Variants in COL17A1 observed in about 807,000 individuals in gnomAD.
COL17A1 encodes the protein collagen alpha-1(XVII) chain.
Under a neutral mutation model 218.4 loss-of-function variants are expected in COL17A1, and 181 were observed. The observed-to-expected ratio is 0.83, with a 90% CI of 0.73 to 0.94. The LOEUF (loss-of-function observed/expected upper bound fraction) is 0.94, where lower values mean the gene tolerates loss of function less well. Among genes scored for constraint, COL17A1 ranks in the 40% least tolerant of loss-of-function variants. COL17A1 has a pLI of 0.00. For missense variants in COL17A1, 1,924 were observed against 1,945.9 expected (o/e 0.99, Z 0.21); for synonymous variants, 721 against 731.0 (o/e 0.99, Z 0.22).
Position 104,060,182 on chromosome 10 carries a change from G to T in COL17A1, c.1078C>A (p.Leu360Met), listed in dbSNP as rs140959806. 3.2e-5 allele frequency: 51 copies of T among 1,614,044 alleles called. No homozygotes were observed. In the South Asian group the frequency reaches 5.5e-4, roughly 17 times the overall value. ...DNTPAKKEME[L>M]LIMTKDSGKV... is the part of the protein sequence containing the mutation. ...CCGCTGTCCTTGGTCATGATGAGCA[G>T]CTCCATCTCCTTCTTGGCAGGTGTG... Residue 360 changes from leucine (L) to methionine (M), a missense_variant, in exon 14 of 56, where the codon CTG becomes ATG. By Grantham distance (15) the Leu-to-Met change is conservative. Coordinates refer to ENST00000648076, the MANE Select transcript of COL17A1 (RefSeq NM_000494.4).
chr10:104,052,197 G>T lies in COL17A1; in HGVS notation c.1960C>A (p.Pro654Thr). ...CCTGGGACACCAGGTGGGCCATGAG[G>T]ACCTGGTTCACCAGCAGCCCCTGAG... ...GERGAAGEPG[P>T]HGPPGVPGSV... Residue 654 changes from proline to threonine, a missense_variant, in exon 24 of 56, where the codon CCT becomes ACT. Coordinates refer to ENST00000648076, the MANE Select transcript of COL17A1 (RefSeq NM_000494.4). 1 of 1,614,178 alleles carries T rather than the reference G, an allele frequency of 6.2e-7. No homozygotes were observed. The highest frequency in any genetic ancestry group is 8.5e-7 in the Non-Finnish European group (1 of 1,180,016).
At chr10:104,044,763 C>T (rs567563044) in intron 33 of COL17A1, among the ~76,000 whole-genome samples, 2 of 152,172 alleles carry the variant, frequency 1.3e-5, no homozygotes, top group East Asian at 3.9e-4. Flanking sequence ...GACTGGAAGT[C>T]ACGGGCCCTC....
chr10:104,054,155 A>G, intron 20 of COL17A1, 37 bp from the exon 21 acceptor site: 2 of 1,591,002 alleles, frequency 1.3e-6, no homozygotes, highest in Non-Finnish European at 1.7e-6. Flanking sequence ...GTGGTCAGCC[A>G]GAAGACTGTG....
In COL17A1 at chr10:104,043,480, A is replaced by G. The variant is rs1041371520; in HGVS notation, c.2515+21T>C. 2.5e-6 allele frequency: 4 copies of G among 1,610,858 alleles called. No homozygotes were observed. In the African/African-American group the frequency reaches 4.0e-5, roughly 16 times the overall value. On this transcript the variant is annotated intron_variant, in intron 35 of 55. Coordinates refer to ENST00000648076, the MANE Select transcript of COL17A1 (RefSeq NM_000494.4). ...CCAAGACCTATTGCTGATTTGGGGC[A>G]AAGCAAGAAAATAGACTGACCTGGG...
rs1381042061 is a variant in COL17A1, at chr10:104,039,111, A to AC, written c.2906dup (p.Val970CysfsTer9). 3 of 1,614,106 alleles carry AC rather than the reference A, an allele frequency of 1.9e-6. No homozygotes were observed. Among genetic ancestry groups the AC allele is most frequent in the Admixed American group, 3.3e-5 (2 of 60,026 alleles). Reference sequence around the variant, plus strand: ...TAGGAATGCCAAGAGCCCCTGGAACACCTGGATCACCTGGAATCCAAAATG... The same window carrying AC: ...TAGGAATGCCAAGAGCCCCTGGAACACCCTGGATCACCTGGAATCCAAAATG... On this transcript the variant is annotated frameshift_variant, in exon 44 of 56. Coordinates refer to ENST00000648076, the MANE Select transcript of COL17A1 (RefSeq NM_000494.4). LOFTEE classifies it high-confidence loss of function.
chr10:104,036,169 TGTG>T (rs2086295137), intron 48 of COL17A1, among the ~76,000 whole-genome samples: 2 of 73,450 alleles, frequency 2.7e-5, no homozygotes, highest in Non-Finnish European at 2.8e-5. Context: ...TGAGTATGGG[TGTG>T]TGTGTATGGA....
rs1313908055 is a variant in COL17A1, at chr10:104,032,960, C to T, written c.4303G>A (p.Ala1435Thr). 2.5e-6 allele frequency: 4 copies of T among 1,613,788 alleles called. No individual in the cohort carries two copies. In the South Asian group the frequency reaches 3.3e-5, roughly 13 times the overall value. ...TTTTGCCCAGGGGGTCCTTGAATGG[C>T]TCCATAAGCTGCAAAAGCAAGGAAA... ...DLMDFFQTYG[A>T]IQGPPGQKGE... The change falls in exon 54 of 56, where the codon GCC becomes ACC. Residue 1435 changes from alanine to threonine, a missense_variant. Physicochemically the swap from Ala to Thr is moderately conservative, Grantham distance 58 (BLOSUM62 0). Transcript: ENST00000648076.
chr10:104,058,671 C>T (rs781740840), intron 15 of COL17A1, among the ~76,000 whole-genome samples: 7 of 152,254 alleles, frequency 4.6e-5, no homozygotes, highest in Non-Finnish European at 7.4e-5. Flanking sequence ...CGGTGACTCA[C>T]GCCTGTAATC....
chr10:104,074,782 C>T (rs547305289), intron 5 of COL17A1, among the ~76,000 whole-genome samples: 5 of 152,352 alleles, frequency 3.3e-5, no homozygotes, highest in East Asian at 3.9e-4. Flanking sequence ...GTCTGCTGTG[C>T]GTGTGGGATG....
Position 104,053,054 on chromosome 10 carries a change from C to G in COL17A1, c.1916G>C (p.Gly639Ala), listed in dbSNP as rs914921006. 2 of 1,614,170 alleles carry G rather than the reference C, an allele frequency of 1.2e-6. No homozygotes were observed. The highest frequency in any genetic ancestry group is 1.7e-6 in the Non-Finnish European group (2 of 1,180,042). The change falls in exon 23 of 56, where the codon GGA (glycine) becomes GCA (alanine). Residue 639 changes from glycine (G) to alanine (A), a missense_variant. Coordinates refer to ENST00000648076, the MANE Select transcript of COL17A1 (RefSeq NM_000494.4). ...ACCTCTTTCCCCTTTCTCTCCAGAT[C>G]CAGGAGGCCCTGCCTCACCACGAGG... ...MGPRGEAGPP[G>A]SGEKGERGAA...
At chr10:104,074,041 A>G in intron 6 of COL17A1, 143 bp downstream of exon 6, 2 of 1,316,918 alleles carry the variant, frequency 1.5e-6, no homozygotes, top group Non-Finnish European at 2.2e-6. Flanking sequence ...AAAGCAAGGG[A>G]AAAATAGGTC....
Position 104,077,534 on chromosome 10 carries a change from G to A in COL17A1, c.98-8C>T. 6.2e-7 allele frequency: 1 copy of A among 1,606,130 alleles called. No individual in the cohort carries two copies. The highest frequency in any genetic ancestry group is 8.5e-7 in the Non-Finnish European group (1 of 1,176,050). On this transcript the variant is annotated splice_polypyrimidine_tract_variant and splice_region_variant and intron_variant, in intron 3 of 55. Transcript: ENST00000648076. ...CATTGCTGGTCCCGCCTTCTGCCAG[G>A]AACAAAAGCAGGTGATAATTTCAGG...
rs774630683 is a variant in COL17A1, at chr10:104,055,856, A to C, written c.1613T>G (p.Ile538Ser). 2.9e-5 allele frequency: 47 copies of C among 1,613,988 alleles called. No individual in the cohort carries two copies. Among genetic ancestry groups the C allele is most frequent in the Non-Finnish European group, 2.1e-5 (25 of 1,180,014 alleles). ...CTCCTGGCTGTCACTGTGCAGCCCA[A>C]TTTTGTCCAGGTCTGCTCCCGCCGC... Reference protein sequence around the residue: ...APAAGADLDKIGLHSDSQEEL... With the variant: ...APAAGADLDKSGLHSDSQEEL... Residue 538 changes from isoleucine to serine, a missense_variant, in exon 18 of 56, where the codon ATT becomes AGT. Transcript: ENST00000648076.
chr10:104,055,902 G>A lies in COL17A1; in HGVS notation c.1567C>T (p.Arg523Cys), dbSNP rs201055348. The change falls in exon 18 of 56, where the codon CGC becomes TGC. Residue 523 changes from arginine (R) to cysteine (C), a missense_variant. Physicochemically the swap from Arg to Cys is radical, Grantham distance 180. Transcript: ENST00000648076. ...GDSMDRIEKD[R>C]LQGMAPAAGA... ...GCCGCGGGTGCCATGCCCTGGAGGC[G>A]GTCCTTTTCTATTCTATCCATGCTG... 46 of 1,614,010 alleles carry A rather than the reference G, an allele frequency of 2.9e-5. No homozygotes were observed. The highest frequency in any genetic ancestry group is 5.0e-5 in the Admixed American group (3 of 60,004).
At chr10:104,077,275 T>C (rs1033583722) in intron 4 of COL17A1, 147 bp downstream of exon 4, 10 of 725,372 alleles carry the variant, frequency 1.4e-5, no homozygotes, top group Non-Finnish European at 2.5e-5. Context: ...CTCAGGGGGA[T>C]TTGGAATGGA....
At position 104,045,806 on chromosome 10, in the gene COL17A1, G is replaced by A; in HGVS notation, c.2363-13C>T. On this transcript the variant is annotated splice_polypyrimidine_tract_variant and intron_variant, in intron 32 of 55. Coordinates refer to ENST00000648076, the MANE Select transcript of COL17A1 (RefSeq NM_000494.4). ...GTACCGGGAAGTCCTGATGTGATTAGAACAAGTAGTCAGGACGATGAAGGC... is the reference window on the plus strand; with the variant it reads ...GTACCGGGAAGTCCTGATGTGATTAAAACAAGTAGTCAGGACGATGAAGGC... 1 of 1,610,064 alleles carries A rather than the reference G, an allele frequency of 6.2e-7. No individual in the cohort carries two copies. The highest frequency in any genetic ancestry group is 2.2e-5 in the East Asian group (1 of 44,868).
chr10:104,052,350 G>A, intron 23 of COL17A1, 133 bp from the exon 24 acceptor site: 2 of 1,157,942 alleles, frequency 1.7e-6, no homozygotes, highest in Non-Finnish European at 1.3e-6. Flanking sequence ...CCCCAGTGAG[G>A]CCACTTATCA....
chr10:104,053,578 C>T (rs527817635), intron 22 of COL17A1, among the ~76,000 whole-genome samples: 1 of 152,088 alleles, frequency 6.6e-6, no homozygotes, highest in African/African-American at 2.4e-5. Flanking sequence ...CCTTCTTGCC[C>T]TTCGAATCTT....
At chr10:104,044,513 G>T (rs2086390674) in intron 33 of COL17A1, among the ~76,000 whole-genome samples, 1 of 152,082 alleles carries the variant, frequency 6.6e-6, no homozygotes, top group Admixed American at 6.6e-5. Context: ...TTCTTTAGGG[G>T]CCCCTTTTTT....
Sources: gnomAD v4.1 joint callset for allele counts (sites outside exome capture counted in the v4.1 genomes callset) on GRCh38, gnomAD v4.1.1 for gene constraint, MANE v1.5 for transcripts, NCBI Gene and HGNC (gene_info 2026-07-23, HGNC 2026-07-21) for gene names.